The following SLCO2A1 variants were observed in gnomAD, a reference collection of about 807,000 sequenced individuals.
SLCO2A1 encodes matrin F/G 1.
SLCO2A1 carries 60 observed loss-of-function variants against 71.7 expected under a neutral mutation model. The observed-to-expected ratio is 0.84, with a 90% CI of 0.68 to 1.04. SLCO2A1 has a LOEUF of 1.04. Ranked by LOEUF, SLCO2A1 falls within the 50% of genes least tolerant of loss-of-function variation. SLCO2A1 has a pLI of 0.00. For synonymous variants in SLCO2A1, 308 were observed against 326.7 expected (o/e 0.94, Z 0.62); for missense variants, 745 against 813.4 (o/e 0.92, Z 1.02).
intron 6 of SLCO2A1, chr3:133,950,884 C>T (rs1011587400): frequency 5.5e-6 from 2 of 362,048 alleles, no homozygotes; most frequent in South Asian, 2.4e-5. Context: ...TTGACTGTAC[C>T]AGGTCGCAGA....
chr3:133,941,312 A>G (rs866595489), intron 11 of SLCO2A1, among the ~76,000 whole-genome samples: 4 of 152,192 alleles, frequency 2.6e-5, no homozygotes, highest in Non-Finnish European at 5.9e-5. Context: ...TAATTAACCA[A>G]TATGTAGAAC....
Position 133,942,701 on chromosome 3 carries a change from G to A in SLCO2A1, c.1529C>T (p.Pro510Leu), listed in dbSNP as rs760189138. 6.2e-7 allele frequency: 1 copy of A among 1,614,022 alleles called. No individual in the cohort carries two copies. The highest frequency in any genetic ancestry group is 1.1e-5 in the South Asian group (1 of 91,046). ...GGCCGGGAGCAGGAAGTGGGCACAG[G>A]GGACAGGGCACGATCCTGTCTTTGC... is the stretch of plus-strand genomic sequence containing the variant. ...ASAKTGSCPV[P>L]CAHFLLPAIF... The change falls in exon 11 of 14, where the codon CCC (proline) becomes CTC (leucine). Residue 510 changes from proline (P) to leucine (L), a missense_variant. Coordinates refer to ENST00000310926, the MANE Select transcript of SLCO2A1 (RefSeq NM_005630.3).
At chr3:134,004,752 T>G (rs918135677) in intron 1 of SLCO2A1, among the ~76,000 whole-genome samples, 2 of 152,162 alleles carry the variant, frequency 1.3e-5, no homozygotes, top group Non-Finnish European at 2.9e-5. Context: ...AGCCAAGGAA[T>G]GTGGGTGACT....
intron 2 of SLCO2A1, among the ~76,000 whole-genome samples, chr3:133,978,498 T>A (rs1039098223): frequency 6.6e-6 from 1 of 152,108 alleles, no homozygotes; most frequent in Non-Finnish European, 1.5e-5. Flanking sequence ...GAAAGCCTTA[T>A]TCCAGCAGGA....
At chr3:134,025,454 A>C (rs1451336972) in intron 1 of SLCO2A1, among the ~76,000 whole-genome samples, 1 of 152,160 alleles carries the variant, frequency 6.6e-6, no homozygotes, top group Admixed American at 6.5e-5. Flanking sequence ...AGTGCTAGCC[A>C]AAACAGAAGA....
intron 1 of SLCO2A1, among the ~76,000 whole-genome samples, chr3:133,995,786 C>A (rs907536364): frequency 6.6e-6 from 1 of 152,156 alleles, no homozygotes; most frequent in Non-Finnish European, 1.5e-5. Flanking sequence ...TAAATGTCAG[C>A]GAATGACCCC....
chr3:134,002,865 G>GC (rs1935132056), intron 1 of SLCO2A1, among the ~76,000 whole-genome samples: 1 of 152,118 alleles, frequency 6.6e-6, no homozygotes, highest in African/African-American at 2.4e-5. Flanking sequence ...AACCTCTTGT[G>GC]CAAATCTATT....
At chr3:133,973,028 G>C (rs1381395420) in intron 3 of SLCO2A1, among the ~76,000 whole-genome samples, 1 of 152,170 alleles carries the variant, frequency 6.6e-6, no homozygotes, top group East Asian at 1.9e-4. Context: ...CTGTGGGGAG[G>C]TTAAAGAGAG....
intron 3 of SLCO2A1, among the ~76,000 whole-genome samples, chr3:133,967,509 C>A (rs769683232): frequency 6.6e-6 from 1 of 152,206 alleles, no homozygotes; most frequent in African/African-American, 2.4e-5. Context: ...TTCTTTCCTA[C>A]ACCACGCATT....
intron 6 of SLCO2A1, among the ~76,000 whole-genome samples, chr3:133,949,685 C>G (rs893633779): frequency 3.3e-5 from 5 of 152,140 alleles, no homozygotes; most frequent in Non-Finnish European, 7.3e-5. Flanking sequence ...GGACCTGTGC[C>G]CAGTATTCAT....
intron 11 of SLCO2A1, among the ~76,000 whole-genome samples, chr3:133,939,596 AT>A (rs767098412): frequency 2.2e-4 from 34 of 152,306 alleles, no homozygotes; most frequent in Middle Eastern, 3.4e-3. Context: ...ACAAATACTC[AT>A]TGGGGCAGGG....
intron 1 of SLCO2A1, among the ~76,000 whole-genome samples, chr3:133,986,800 G>A (rs1204172858): frequency 6.6e-6 from 1 of 152,236 alleles, no homozygotes; most frequent in Non-Finnish European, 1.5e-5. Flanking sequence ...ACAGGACAAG[G>A]AGGGAGGCTC....
chr3:133,952,183 C>T (rs1466471064), intron 5 of SLCO2A1, among the ~76,000 whole-genome samples: 1 of 152,140 alleles, frequency 6.6e-6, no homozygotes, highest in African/African-American at 2.4e-5. Context: ...GGAACCAATT[C>T]GGGGAGTGCC....
chr3:134,004,164 C>T (rs1398167465), intron 1 of SLCO2A1, among the ~76,000 whole-genome samples: 1 of 151,432 alleles, frequency 6.6e-6, no homozygotes, highest in African/African-American at 2.4e-5. Context: ...TTTGGTTGAA[C>T]CATGTGTTAG....
At chr3:133,973,531 AC>A (rs1424240320) in intron 3 of SLCO2A1, 131 bp downstream of exon 3, 4 of 944,028 alleles carry the variant, frequency 4.2e-6, no homozygotes, top group Non-Finnish European at 6.3e-6. Context: ...AGCTCTACAT[AC>A]TTCAGTATAG....
intron 1 of SLCO2A1, among the ~76,000 whole-genome samples, chr3:134,017,765 G>A (rs909146386): frequency 2.6e-5 from 4 of 152,186 alleles, no homozygotes; most frequent in South Asian, 2.1e-4. Context: ...GTTGAGAAGA[G>A]GGAGAATGAA....
At chr3:133,985,959 C>T (rs1403609271) in intron 1 of SLCO2A1, among the ~76,000 whole-genome samples, 3 of 152,358 alleles carry the variant, frequency 2.0e-5, no homozygotes, top group Admixed American at 1.3e-4. Flanking sequence ...GTCAGTTCAG[C>T]TGCCCTACTT....
In SLCO2A1 at chr3:134,007,699, G is replaced by T. The variant is rs192167826; in HGVS notation, c.96+22008C>A. ...CCAAGGCACCTAGCTTTATGAATGGGTCTCAGTTTCAACTCCCCTATCATC... is the reference window on the plus strand; with the variant it reads ...CCAAGGCACCTAGCTTTATGAATGGTTCTCAGTTTCAACTCCCCTATCATC... On this transcript the variant is annotated intron_variant, in intron 1 of 13. Coordinates refer to ENST00000310926, the MANE Select transcript of SLCO2A1 (RefSeq NM_005630.3). Among the ~76,000 whole-genome samples, 8 of 152,222 alleles carry T rather than the reference G, an allele frequency of 5.3e-5. No homozygotes were observed. In the East Asian group the frequency reaches 1.5e-3, roughly 29 times the overall value.
intron 1 of SLCO2A1, among the ~76,000 whole-genome samples, chr3:134,004,480 G>A (rs7609836): frequency 0.97 from 148,305 of 152,272 alleles, 72,337 homozygotes; most frequent in Middle Eastern, 1. Flanking sequence ...GACTACAGTC[G>A]TGCCCCACCA....
Sources: gnomAD v4.1 joint callset for allele counts (sites outside exome capture counted in the v4.1 genomes callset) on GRCh38, gnomAD v4.1.1 for gene constraint, MANE v1.5 for transcripts, NCBI Gene and HGNC (gene_info 2026-07-23, HGNC 2026-07-21) for gene names.